CDC34: variants seen among roughly 807,000 people sequenced by gnomAD.
CDC34 encodes ubiquitin-conjugating enzyme E2 R1.
Under a neutral mutation model 26.8 loss-of-function variants are expected in CDC34, and 18 were observed. That is an observed-to-expected ratio of 0.67 (90% CI 0.47 to 1.00). The LOEUF is 1.00. Among genes scored for constraint, CDC34 ranks in the 50% least tolerant of loss-of-function variants. The pLI, the probability that CDC34 is intolerant of heterozygous loss-of-function variation, is 0.00. For synonymous variants in CDC34, 178 were observed against 147.5 expected, an observed-to-expected ratio of 1.21 and a Z score of -1.50; for missense variants, 280 against 334.5, an observed-to-expected ratio of 0.84 and a Z score of 1.27.
chr19:532,610 C>G (rs1979548294), intron 1 of CDC34, among the ~76,000 whole-genome samples: 1 of 152,236 alleles, frequency 6.6e-6, no homozygotes, highest in Non-Finnish European at 1.5e-5. Context: ...GAGCTGGGCC[C>G]GTGAGCGGGG....
chr19:535,204 G>A (rs1979683073), intron 1 of CDC34, among the ~76,000 whole-genome samples: 1 of 152,222 alleles, frequency 6.6e-6, no homozygotes, highest in Non-Finnish European at 1.5e-5. Context: ...GACCACAGGG[G>A]GCGATGCTGA....
chr19:539,525 C>T (rs529993620), intron 4 of CDC34, among the ~76,000 whole-genome samples: 15 of 152,346 alleles, frequency 9.8e-5, no homozygotes, highest in African/African-American at 3.1e-4. Context: ...AGACGCCTGC[C>T]CTCCACGCGT....
At chr19:538,416 C>T (rs16990590) in intron 4 of CDC34, among the ~76,000 whole-genome samples, 2,955 of 152,348 alleles carry the variant, frequency 0.019, 97 homozygotes, top group African/African-American at 0.066. Flanking sequence ...TCTTGGGTGC[C>T]TGTGTTCACA....
At chr19:533,679 C>A (rs1409382417) in intron 1 of CDC34, among the ~76,000 whole-genome samples, 1 of 152,192 alleles carries the variant, frequency 6.6e-6, no homozygotes, top group Non-Finnish European at 1.5e-5. Flanking sequence ...CCCACCAGAC[C>A]GGTTGCCAGG....
At chr19:538,899 G>A (rs1161955607) in intron 4 of CDC34, 28 of 985,204 alleles carry the variant, frequency 2.8e-5, no homozygotes, top group African/African-American at 5.2e-5. Flanking sequence ...GATGTCCTCG[G>A]TGGCCCCGGT....
intron 4 of CDC34, among the ~76,000 whole-genome samples, chr19:540,004 G>GCC (rs757584923): frequency 8.0e-5 from 7 of 87,966 alleles, no homozygotes; most frequent in Admixed American, 1.1e-4. Flanking sequence ...GGGTGGCCAG[G>GCC]CCCCCAGGTT....
chr19:531,784 C>T lies in CDC34; in HGVS notation c.-148C>T, dbSNP rs1301355077. ...CAGAGCTGCTGGAGCGCTCGGGGTC[C>T]CCGGGCGGCGGCGGCGGCGCAGAGG... is the stretch of plus-strand genomic sequence containing the variant. On this transcript the variant is annotated 5_prime_UTR_variant, in exon 1 of 5. Transcript: ENST00000215574. The T allele has an allele frequency of 3.5e-5, 8 of 230,308 alleles. No homozygotes were observed. Among genetic ancestry groups the T allele is most frequent in the Non-Finnish European group, 5.1e-5 (7 of 138,156 alleles). 14.3% of individuals were successfully genotyped at this position (230,308 alleles called of 1,614,324 possible). A position where few individuals can be genotyped will look rare whatever the true frequency, so the allele number is the denominator to read the frequency against.
intron 1 of CDC34, among the ~76,000 whole-genome samples, chr19:533,962 T>TG (rs1979610672): frequency 6.6e-6 from 1 of 152,208 alleles, no homozygotes; most frequent in African/African-American, 2.4e-5. Flanking sequence ...AAGTGAGCCC[T>TG]GGGGCAGGGG....
intron 1 of CDC34, among the ~76,000 whole-genome samples, chr19:533,820 C>T (rs1979605762): frequency 6.6e-6 from 1 of 152,206 alleles, no homozygotes; most frequent in African/African-American, 2.4e-5. Context: ...GGGGTGCTGC[C>T]ACCCACGAGG....
At position 538,667 on chromosome 19, in the gene CDC34, C is replaced by T. The variant is rs777632957; in HGVS notation, c.497+1520C>T. On this transcript the variant is annotated intron_variant, in intron 4 of 4. Coordinates refer to ENST00000215574, the MANE Select transcript of CDC34 (RefSeq NM_004359.2). ...ATTGCACACATAATGCATGTGTCTTCCTCGCCCCAGGACCCAGGAGCATCC... is the reference window on the plus strand; with the variant it reads ...ATTGCACACATAATGCATGTGTCTTTCTCGCCCCAGGACCCAGGAGCATCC... The T allele has an allele frequency of 5.1e-6, 5 of 975,172 alleles. No individual in the cohort carries two copies. In the South Asian group the frequency reaches 1.4e-4, roughly 28 times the overall value. The allele number at this position is 975,172 out of a possible 1,614,324, so 60.4% of individuals were successfully genotyped here. A position where few individuals can be genotyped will look rare whatever the true frequency, so the allele number is the denominator to read the frequency against.
intron 4 of CDC34, among the ~76,000 whole-genome samples, chr19:537,909 G>A (rs1359389232): frequency 2.6e-5 from 4 of 152,118 alleles, no homozygotes; most frequent in East Asian, 3.9e-4. Context: ...CACCCGCCTC[G>A]GCCTCCCAAA....
At chr19:538,285 G>A (rs1053750574) in intron 4 of CDC34, among the ~76,000 whole-genome samples, 9 of 152,192 alleles carry the variant, frequency 5.9e-5, no homozygotes, top group Admixed American at 3.3e-4. Context: ...CTGTGCAGTC[G>A]CCTACCGGCG....
intron 1 of CDC34, 102 bp downstream of exon 1, chr19:532,210 G>C: frequency 1.1e-6 from 1 of 931,670 alleles, no homozygotes; most frequent in Non-Finnish European, 1.5e-6. Flanking sequence ...TGCTGGGCGG[G>C]CCCCGAAGCC....
chr19:535,123 C>T (rs1485396373), intron 1 of CDC34, among the ~76,000 whole-genome samples: 1 of 152,244 alleles, frequency 6.6e-6, no homozygotes, highest in Non-Finnish European at 1.5e-5. Flanking sequence ...AGCTCTGTCA[C>T]CTGGCACGTG....
At position 531,790 on chromosome 19, in the gene CDC34, CGGCGGCGGCGGCGCAGAGGAGGAGGCA is replaced by C. The variant is rs1005538941; in HGVS notation, c.-132_-106del. 2.3e-4 allele frequency: 54 copies of C among 236,480 alleles called. No individual in the cohort carries two copies. Among genetic ancestry groups the C allele is most frequent in the Non-Finnish European group, 3.6e-4 (52 of 143,084 alleles). 14.6% of individuals were successfully genotyped at this position (236,480 alleles called of 1,614,324 possible). Reference sequence around the variant, plus strand: ...TGCTGGAGCGCTCGGGGTCCCCGGGCGGCGGCGGCGGCGCAGAGGAGGAGGCAGGCGGCGGCCCCGGTGGCTCCCCCC... The same window carrying C: ...TGCTGGAGCGCTCGGGGTCCCCGGGCGGCGGCGGCCCCGGTGGCTCCCCCC... On this transcript the variant is annotated 5_prime_UTR_variant, in exon 1 of 5. Transcript: ENST00000215574.
intron 1 of CDC34, among the ~76,000 whole-genome samples, chr19:532,628 G>A (rs1381449921): frequency 6.6e-6 from 1 of 152,220 alleles, no homozygotes; most frequent in Non-Finnish European, 1.5e-5. Context: ...GGGGAGCGAG[G>A]CCAGCCTGGG....
chr19:537,357 CTTTT>C lies in CDC34; in HGVS notation c.497+216_497+219del, dbSNP rs922113194. Reference sequence around the variant, plus strand: ...AGCCCAGCTTCTTGCCCCTTTTCCTCTTTTTTTTTGTTTGAGACAGAGTCTCTCT... The same window carrying C: ...AGCCCAGCTTCTTGCCCCTTTTCCTCTTTTTGTTTGAGACAGAGTCTCTCT... On this transcript the variant is annotated intron_variant, in intron 4 of 4. Transcript: ENST00000215574. Among the ~76,000 whole-genome samples the C allele has an allele frequency of 2.0e-5, 3 of 151,532 alleles. No individual in the cohort carries two copies. In the East Asian group the frequency reaches 5.8e-4, roughly 29 times the overall value.
rs748408800 is a variant in CDC34 at position 541,458 on chromosome 19, TCTA to T, written c.619_621del (p.Tyr207del). 6 of 1,612,778 alleles carry T rather than the reference TCTA, an allele frequency of 3.7e-6. No homozygotes were observed. The Admixed American group carries it at 8.3e-5, about 22-fold the overall frequency. Reference sequence around the variant, plus strand: ...GCGCCCGACGAGGGCTCAGACCTCTTCTACGACGACTACTACGAGGACGGCGAG... The same window carrying T: ...GCGCCCGACGAGGGCTCAGACCTCTTCGACGACTACTACGAGGACGGCGAG... On this transcript the variant is annotated inframe_deletion, in exon 5 of 5. Transcript: ENST00000215574.
Position 536,360 on chromosome 19 carries a change from T to G in CDC34, c.362+20T>G. 6.3e-7 allele frequency: 1 copy of G among 1,580,950 alleles called. No individual in the cohort carries two copies. The highest frequency in any genetic ancestry group is 1.1e-5 in the South Asian group (1 of 89,284). On this transcript the variant is annotated intron_variant, in intron 3 of 4. Transcript: ENST00000215574. ...CGTCAGGTAAGCCGGCCCAACCCCC[T>G]GTGTCCACCCAGAACATCAGGTAGG...
Sources: gnomAD v4.1 joint callset for allele counts (sites outside exome capture counted in the v4.1 genomes callset) on GRCh38, gnomAD v4.1.1 for gene constraint, MANE v1.5 for transcripts, NCBI Gene and HGNC (gene_info 2026-07-23, HGNC 2026-07-21) for gene names.